The following NUP50 variants were observed in gnomAD, a reference collection of about 807,000 sequenced individuals.
NUP50 encodes nucleoporin 50, also known as nuclear pore complex protein Nup50.
NUP50 carries 14 observed loss-of-function variants against 36.8 expected under a neutral mutation model. The observed-to-expected ratio is 0.38, with a 90% CI of 0.25 to 0.59. NUP50 has a LOEUF of 0.59. Among genes scored for constraint, NUP50 ranks in the 20% least tolerant of loss-of-function variants. The pLI, the probability that NUP50 is intolerant of heterozygous loss-of-function variation, is 0.63. For missense variants in NUP50, 455 were observed against 564.6 expected (o/e 0.81, Z 1.97); for synonymous variants, 195 against 210.8 (o/e 0.93, Z 0.65).
Position 45,187,862 on chromosome 22 carries a change from T to C in NUP50, c.*3207T>C, listed in dbSNP as rs2083466550. On this transcript the variant is annotated 3_prime_UTR_variant, in exon 8 of 8. Transcript: ENST00000347635. ...TTAGCAATCAGATGGATAAATTGTT[T>C]GCTTTTTACTTTAAATAGGAAATTG... The C allele has an allele frequency of 6.5e-6, 1 of 152,704 alleles. No individual in the cohort carries two copies. The highest frequency in any genetic ancestry group is 2.1e-4 in the South Asian group (1 of 4,832). 9.5% of individuals were successfully genotyped at this position (152,704 alleles called of 1,614,324 possible). A position where few individuals can be genotyped will look rare whatever the true frequency, so the allele number is the denominator to read the frequency against.
At chr22:45,178,135 A>T (rs2074305638) in intron 4 of NUP50, 103 bp from the exon 5 acceptor site, 17 of 997,042 alleles carry the variant, frequency 1.7e-5, no homozygotes, top group Non-Finnish European at 2.6e-5. Context: ...GTGTGGGGGG[A>T]GATACAGTAA....
intron 3 of NUP50, 134 bp from the exon 4 acceptor site, chr22:45,175,760 C>G (rs2074266579): frequency 2.0e-5 from 13 of 644,198 alleles, no homozygotes; most frequent in Middle Eastern, 3.8e-4. Flanking sequence ...TCTGCTTGTG[C>G]CAGCAGTTTG....
At chr22:45,173,354 TGTCTGGTTTGA>T (rs2074227724) in intron 3 of NUP50, among the ~76,000 whole-genome samples, 1 of 143,696 alleles carries the variant, frequency 7.0e-6, no homozygotes, top group African/African-American at 2.6e-5. Context: ...TTTTTTTTTT[TGTCTGGTTTGA>T]TTTTATGAAT....
Position 45,187,370 on chromosome 22 carries a change from C to T in NUP50, c.*2715C>T, listed in dbSNP as rs142658935. 3.8e-3 allele frequency: 552 copies of T among 145,258 alleles called. 1 individual carries two copies. The highest frequency in any genetic ancestry group is 0.014 in the African/African-American group (538 of 39,138). 9.0% of individuals were successfully genotyped at this position (145,258 alleles called of 1,614,324 possible). On this transcript the variant is annotated 3_prime_UTR_variant, in exon 8 of 8. Coordinates refer to ENST00000347635, the MANE Select transcript of NUP50 (RefSeq NM_007172.4). ...GCTGATTTTCTTTAAGAGGATTATTCTGTTTTACAATTTCAATTCTAGATC... is the reference window on the plus strand; with the variant it reads ...GCTGATTTTCTTTAAGAGGATTATTTTGTTTTACAATTTCAATTCTAGATC...
chr22:45,163,941 A>T lies in NUP50; in HGVS notation c.-366A>T, dbSNP rs967395036. On this transcript the variant is annotated 5_prime_UTR_variant, in exon 1 of 8. Coordinates refer to ENST00000347635, the MANE Select transcript of NUP50 (RefSeq NM_007172.4). ...GCCGGAAGCGCCGGCGCGCTTGCGC[A>T]GTAGCTGAACGCGGGCGTTTCTTTC... 2.0e-5 allele frequency: 3 copies of T among 152,260 alleles called. No individual in the cohort carries two copies. The highest frequency in any genetic ancestry group is 4.4e-5 in the Non-Finnish European group (3 of 68,046). 9.4% of individuals were successfully genotyped at this position (152,260 alleles called of 1,614,324 possible). A position where few individuals can be genotyped will look rare whatever the true frequency, so the allele number is the denominator to read the frequency against.
intron 3 of NUP50, 99 bp downstream of exon 3, chr22:45,171,782 T>G (rs1273478684): frequency 5.3e-6 from 5 of 946,174 alleles, no homozygotes; most frequent in Non-Finnish European, 8.4e-6. Flanking sequence ...ACAAATGCTT[T>G]CTTAAAATAC....
intron 2 of NUP50, among the ~76,000 whole-genome samples, chr22:45,170,104 C>T (rs1292264603): frequency 6.6e-6 from 1 of 152,190 alleles, no homozygotes; most frequent in African/African-American, 2.4e-5. Context: ...AAGGGAAGGG[C>T]CCCTGTCCCA....
intron 7 of NUP50, chr22:45,184,065 G>T (rs992539119): frequency 7.2e-5 from 17 of 237,146 alleles, no homozygotes; most frequent in Non-Finnish European, 1.2e-4. Flanking sequence ...CCAGGGAGCT[G>T]TGCCGGCCTG....
chr22:45,182,034 TGTTA>T, intron 6 of NUP50, among the ~76,000 whole-genome samples: 2 of 152,302 alleles, frequency 1.3e-5, no homozygotes, highest in East Asian at 3.9e-4. Flanking sequence ...GATTCCCAGG[TGTTA>T]GTTTCAAGAA....
chr22:45,184,356 T>TA, intron 7 of NUP50, 97 bp from the exon 8 acceptor site: 1 of 1,121,850 alleles, frequency 8.9e-7, no homozygotes. Flanking sequence ...TTAGATGTAT[T>TA]AAGTTATTTC....
intron 6 of NUP50, among the ~76,000 whole-genome samples, chr22:45,182,809 A>G (rs2074398132): frequency 6.6e-6 from 1 of 151,802 alleles, no homozygotes; most frequent in Admixed American, 6.6e-5. Flanking sequence ...TATTTTTAGT[A>G]GAGACGGGGT....
At position 45,181,375 on chromosome 22, in the gene NUP50, T is replaced by A; in HGVS notation, c.1085+8T>A. 4 of 1,567,874 alleles carry A rather than the reference T, an allele frequency of 2.6e-6. No individual in the cohort carries two copies. Among genetic ancestry groups the A allele is most frequent in the Non-Finnish European group, 3.5e-6 (4 of 1,157,906 alleles). ...TGCTTTTTACTCCAAAAAGTAAGAA[T>A]CCCCACAACCTGCTGGCGCATGTGT... is the stretch of plus-strand genomic sequence containing the variant. On this transcript the variant is annotated splice_region_variant and intron_variant, in intron 6 of 7. Transcript: ENST00000347635.
In NUP50 at chr22:45,164,145, G is replaced by C. The variant is rs899881517; in HGVS notation, c.-162G>C. On this transcript the variant is annotated 5_prime_UTR_variant, in exon 1 of 8. Transcript: ENST00000347635. ...GTGTTTGAGTCTCTGGGCTTGCCGA[G>C]CACTAAGTCCTCTGAGTTCCGCAGC... The C allele has an allele frequency of 5.9e-5, 9 of 152,452 alleles. No homozygotes were observed. Among genetic ancestry groups the C allele is most frequent in the Admixed American group, 4.6e-4 (7 of 15,306 alleles). The allele number at this position is 152,452 out of a possible 1,614,324, so 9.4% of individuals were successfully genotyped here. A position where few individuals can be genotyped will look rare whatever the true frequency, so the allele number is the denominator to read the frequency against.
In NUP50 at chr22:45,183,346, T is replaced by C. The variant is rs6007493; in HGVS notation, c.1086-56T>C. Reference sequence around the variant, plus strand: ...GTGTGAAGAGTGGTTGTTAGAAAACTGTGTGACTTGATTCGTCCTTGAATG... The same window carrying C: ...GTGTGAAGAGTGGTTGTTAGAAAACCGTGTGACTTGATTCGTCCTTGAATG... On this transcript the variant is annotated intron_variant, in intron 6 of 7. Transcript: ENST00000347635. 7.1e-3 allele frequency: 7,066 copies of C among 999,770 alleles called. 258 individuals carry two copies. In the African/African-American group the frequency reaches 0.094, roughly 13 times the overall value. The allele number at this position is 999,770 out of a possible 1,614,324, so 61.9% of individuals were successfully genotyped here.
At chr22:45,176,117 A>G (rs1601779582) in intron 4 of NUP50, 37 bp downstream of exon 4, 1 of 1,596,934 alleles carries the variant, frequency 6.3e-7, no homozygotes, top group Non-Finnish European at 8.5e-7. Context: ...CTGTGTAAGT[A>G]TCATCTATGG....
chr22:45,177,137 C>G (rs2074288618), intron 4 of NUP50, among the ~76,000 whole-genome samples: 1 of 152,172 alleles, frequency 6.6e-6, no homozygotes, highest in South Asian at 2.1e-4. Context: ...ACCAGCATAA[C>G]TCTTAGATAG....
chr22:45,180,842 T>TAA (rs11416722), intron 5 of NUP50, among the ~76,000 whole-genome samples: 412 of 147,320 alleles, frequency 2.8e-3, no homozygotes, highest in South Asian at 5.2e-3. Context: ...TGTCCCCTGT[T>TAA]AAAAAAAAAA....
chr22:45,187,351 T>G lies in NUP50; in HGVS notation c.*2696T>G, dbSNP rs570911005. 9.8e-5 allele frequency: 15 copies of G among 152,484 alleles called. No individual in the cohort carries two copies. Among genetic ancestry groups the G allele is most frequent in the Non-Finnish European group, 1.6e-4 (11 of 67,992 alleles). The allele number at this position is 152,484 out of a possible 1,614,324, so 9.4% of individuals were successfully genotyped here. A position where few individuals can be genotyped will look rare whatever the true frequency, so the allele number is the denominator to read the frequency against. On this transcript the variant is annotated 3_prime_UTR_variant, in exon 8 of 8. Transcript: ENST00000347635. Reference sequence around the variant, plus strand: ...CAAGTCTGACTGTTCATAGGCTGATTTTCTTTAAGAGGATTATTCTGTTTT... The same window carrying G: ...CAAGTCTGACTGTTCATAGGCTGATGTTCTTTAAGAGGATTATTCTGTTTT...
chr22:45,172,055 A>G (rs1282088899), intron 3 of NUP50: 1 of 203,146 alleles, frequency 4.9e-6, no homozygotes, highest in African/African-American at 2.3e-5. Flanking sequence ...GAGCCCTTTC[A>G]CTATACTAGA....
Sources: gnomAD v4.1 joint callset for allele counts (sites outside exome capture counted in the v4.1 genomes callset) on GRCh38, gnomAD v4.1.1 for gene constraint, MANE v1.5 for transcripts, NCBI Gene and HGNC (gene_info 2026-07-23, HGNC 2026-07-21) for gene names.